The following P2RX3 variants were observed in gnomAD, a reference collection of about 807,000 sequenced individuals.
The protein encoded by P2RX3 is P2X purinoceptor 3.
A neutral mutation model predicts 51.5 loss-of-function variants in P2RX3; 41 were observed. That is an observed-to-expected ratio of 0.80 (90% CI 0.62 to 1.03). P2RX3 has a LOEUF of 1.03. Among genes scored for constraint, P2RX3 ranks in the 50% least tolerant of loss-of-function variants. The probability of loss-of-function intolerance (pLI) is 0.00; values close to 1 mark genes in which losing one functional copy is unlikely to be tolerated. For missense variants in P2RX3, 459 were observed against 522.1 expected (o/e 0.88, Z 1.18); for synonymous variants, 185 against 191.6 (o/e 0.97, Z 0.29).
intron 8 of P2RX3, among the ~76,000 whole-genome samples, chr11:57,356,562 T>C (rs932158933): frequency 6.6e-6 from 1 of 152,246 alleles, no homozygotes; most frequent in Admixed American, 6.5e-5. Context: ...GCAGCTTTCA[T>C]GAAGCTCGGA....
intron 8 of P2RX3, among the ~76,000 whole-genome samples, chr11:57,364,196 A>G (rs1856763633): frequency 6.6e-6 from 1 of 152,068 alleles, no homozygotes; most frequent in Admixed American, 6.6e-5. Flanking sequence ...CCCACTACCC[A>G]TGGGCATGAG....
chr11:57,346,532 C>G lies in P2RX3; in HGVS notation c.120-12C>G. 1 of 1,613,758 alleles carries G rather than the reference C, an allele frequency of 6.2e-7. No individual in the cohort carries two copies. Among genetic ancestry groups the G allele is most frequent in the Non-Finnish European group, 8.5e-7 (1 of 1,179,890 alleles). On this transcript the variant is annotated splice_polypyrimidine_tract_variant and intron_variant, in intron 1 of 11. Transcript: ENST00000263314. ...TCCTCTCTTTCTCTTCATTTATGCT[C>G]TCCTGCCCCAGGTGGGTTTTCTTGC...
chr11:57,371,001 C>G lies in P2RX3; in HGVS notation c.*1004C>G, dbSNP rs1856877344. Among the ~76,000 whole-genome samples the G allele has an allele frequency of 6.6e-6, 1 of 152,202 alleles. No homozygotes were observed. The highest frequency in any genetic ancestry group is 2.4e-5 in the African/African-American group (1 of 41,440). Reference sequence around the variant, plus strand: ...CCCCATAGGGTCTTAATAAGGTGCCCCATTTTCTAAGGTTAGAAGCTAAAG... The same window carrying G: ...CCCCATAGGGTCTTAATAAGGTGCCGCATTTTCTAAGGTTAGAAGCTAAAG... On this transcript the variant is annotated 3_prime_UTR_variant, in exon 12 of 12. Coordinates refer to ENST00000263314, the MANE Select transcript of P2RX3 (RefSeq NM_002559.5).
chr11:57,343,592 G>A (rs900569663), intron 1 of P2RX3, among the ~76,000 whole-genome samples: 9 of 152,202 alleles, frequency 5.9e-5, no homozygotes, highest in Non-Finnish European at 1.3e-4. Flanking sequence ...CAGTAAGAAT[G>A]TAGTGAAAGA....
chr11:57,349,678 C>T (rs1377646356), intron 6 of P2RX3, 79 bp from the exon 7 acceptor site: 1 of 1,576,024 alleles, frequency 6.3e-7, no homozygotes, highest in African/African-American at 1.3e-5. Context: ...TAGGCCTGGG[C>T]TCCGGAAGGC....
intron 8 of P2RX3, 76 bp downstream of exon 8, chr11:57,350,974 A>G: frequency 1.3e-6 from 2 of 1,594,198 alleles, no homozygotes; most frequent in Non-Finnish European, 1.7e-6. Context: ...GGGAGACAAG[A>G]TCCCACATCC....
At chr11:57,351,289 G>C (rs930821971) in intron 8 of P2RX3, among the ~76,000 whole-genome samples, 1 of 152,148 alleles carries the variant, frequency 6.6e-6, no homozygotes, top group Non-Finnish European at 1.5e-5. Flanking sequence ...AAGGTTTCTC[G>C]CTCTACAAAG....
At chr11:57,348,092 G>T in intron 4 of P2RX3, 78 bp from the exon 5 acceptor site, 1 of 1,294,976 alleles carries the variant, frequency 7.7e-7, no homozygotes, top group Non-Finnish European at 1.1e-6. Flanking sequence ...CCCTGATGGG[G>T]GGAAGGGAAG....
intron 8 of P2RX3, among the ~76,000 whole-genome samples, chr11:57,357,191 C>T (rs188581010): frequency 8.5e-5 from 13 of 152,154 alleles, no homozygotes; most frequent in East Asian, 7.7e-4. Flanking sequence ...CGTGGTGGCA[C>T]GCACCTGTAA....
At chr11:57,360,886 A>C (rs1856707841) in intron 8 of P2RX3, among the ~76,000 whole-genome samples, 1 of 152,088 alleles carries the variant, frequency 6.6e-6, no homozygotes, top group Non-Finnish European at 1.5e-5. Flanking sequence ...CTGGTGTGGC[A>C]GATACTGTAG....
chr11:57,365,147 G>A (rs1465436466), intron 8 of P2RX3, among the ~76,000 whole-genome samples: 1 of 152,206 alleles, frequency 6.6e-6, no homozygotes, highest in African/African-American at 2.4e-5. Context: ...AGCTCTCTAG[G>A]ACTGAGCTTG....
At chr11:57,340,513 C>A (rs1856319335) in intron 1 of P2RX3, 1 of 152,340 alleles carries the variant, frequency 6.6e-6, no homozygotes, top group Non-Finnish European at 1.5e-5. Context: ...GTATGTGAAC[C>A]CATGCACGTT....
intron 11 of P2RX3, 107 bp downstream of exon 11, chr11:57,369,545 A>G: frequency 9.7e-7 from 1 of 1,032,186 alleles, no homozygotes; most frequent in Admixed American, 2.5e-5. Flanking sequence ...AGGGGGGTTC[A>G]CCAGGCCTCA....
chr11:57,355,067 C>G (rs1004589728), intron 8 of P2RX3, among the ~76,000 whole-genome samples: 1 of 152,190 alleles, frequency 6.6e-6, no homozygotes, highest in Non-Finnish European at 1.5e-5. Flanking sequence ...CACCAGAAGC[C>G]AGAGCTGAGG....
At position 57,371,893 on chromosome 11, in the gene P2RX3, C is replaced by T. The variant is rs1856892660; in HGVS notation, c.*1896C>T. Reference sequence around the variant, plus strand: ...GCAGTGGTGTCCTGAAGGGACCCTCCCCCCCAACCCCTCCCTTTTACCCAG... The same window carrying T: ...GCAGTGGTGTCCTGAAGGGACCCTCTCCCCCAACCCCTCCCTTTTACCCAG... On this transcript the variant is annotated 3_prime_UTR_variant, in exon 12 of 12. Coordinates refer to ENST00000263314, the MANE Select transcript of P2RX3 (RefSeq NM_002559.5). 6.6e-6 allele frequency among the ~76,000 whole-genome samples: 1 copy of T among 151,442 alleles called. No individual in the cohort carries two copies. Among genetic ancestry groups the T allele is most frequent in the Non-Finnish European group, 1.5e-5 (1 of 67,756 alleles).
chr11:57,353,120 G>A (rs527880733), intron 8 of P2RX3, among the ~76,000 whole-genome samples: 2 of 152,334 alleles, frequency 1.3e-5, no homozygotes, highest in Admixed American at 6.5e-5. Flanking sequence ...ACGTGTGGGA[G>A]GCTGCAAAGC....
chr11:57,342,148 C>CTT lies in P2RX3; in HGVS notation c.119+3507_119+3508dup, dbSNP rs67011422. ...GGGAAGAACTGTTGGGCTGCCCCATCTTTTTTTTTTTTTTTTTTTTTTTTT... is the reference window on the plus strand; with the variant it reads ...GGGAAGAACTGTTGGGCTGCCCCATCTTTTTTTTTTTTTTTTTTTTTTTTTTT... On this transcript the variant is annotated intron_variant, in intron 1 of 11. Coordinates refer to ENST00000263314, the MANE Select transcript of P2RX3 (RefSeq NM_002559.5). 5.8e-4 allele frequency among the ~76,000 whole-genome samples: 28 copies of CTT among 48,360 alleles called. 1 individual carries two copies. The highest frequency in any genetic ancestry group is 9.1e-4 in the African/African-American group (10 of 11,042). The allele number at this position is 48,360 out of a possible 152,430, so 31.7% of individuals were successfully genotyped here. A position where few individuals can be genotyped will look rare whatever the true frequency, so the allele number is the denominator to read the frequency against.
rs567961476 is a variant in P2RX3, at chr11:57,370,886, G to A, written c.*889G>A. On this transcript the variant is annotated 3_prime_UTR_variant, in exon 12 of 12. Transcript: ENST00000263314. ...CGTAGGCTGGGACCCTGTTCCAGGA[G>A]TTCAGCAGTCCTCATTTACAACAAC... Among the ~76,000 whole-genome samples, 1 of 152,228 alleles carries A rather than the reference G, an allele frequency of 6.6e-6. No homozygotes were observed. The highest frequency in any genetic ancestry group is 2.4e-5 in the African/African-American group (1 of 41,452).
In P2RX3 at chr11:57,371,250, C is replaced by T. The variant is rs1856881458; in HGVS notation, c.*1253C>T. On this transcript the variant is annotated 3_prime_UTR_variant, in exon 12 of 12. Transcript: ENST00000263314. ...TACAGTGAGAGGCCCAGAAATTGCC[C>T]CAGGGCAGGGCTCTGGGGCAGAACC... 6.6e-6 allele frequency among the ~76,000 whole-genome samples: 1 copy of T among 152,190 alleles called. No homozygotes were observed. Among genetic ancestry groups the T allele is most frequent in the African/African-American group, 2.4e-5 (1 of 41,452 alleles).
Sources: allele counts gnomAD v4.1 joint callset (sites outside exome capture counted in the v4.1 genomes callset), GRCh38; gene constraint gnomAD v4.1.1; transcripts MANE v1.5; gene names NCBI Gene and HGNC (gene_info 2026-07-23, HGNC 2026-07-21).